Variants in CSNK1G3 observed in about 807,000 individuals in gnomAD.
CSNK1G3 encodes casein kinase I isoform gamma-3.
Under a neutral mutation model 64.3 loss-of-function variants are expected in CSNK1G3, and 23 were observed. The ratio of observed to expected loss-of-function variants is 0.36; its 90% confidence interval spans 0.26 to 0.51. CSNK1G3 has a LOEUF of 0.51. CSNK1G3 is among the 20% of genes least tolerant of loss of function. The pLI, the probability that CSNK1G3 is intolerant of heterozygous loss-of-function variation, is 0.96. For missense variants in CSNK1G3, 357 were observed against 510.5 expected (o/e 0.70, Z 2.90); for synonymous variants, 158 against 162.2 (o/e 0.97, Z 0.20).
At chr5:123,530,894 C>T (rs911238055) in intron 1 of CSNK1G3, among the ~76,000 whole-genome samples, 6 of 152,110 alleles carry the variant, frequency 3.9e-5, no homozygotes, top group Admixed American at 3.9e-4. Flanking sequence ...TCTTAGACAA[C>T]CACAGTTGAG....
intron 12 of CSNK1G3, among the ~76,000 whole-genome samples, chr5:123,608,301 T>G (rs1795719515): frequency 6.6e-6 from 1 of 152,202 alleles, no homozygotes; most frequent in Non-Finnish European, 1.5e-5. Flanking sequence ...GAGAATAGTA[T>G]CTCATTGGGG....
chr5:123,546,584 G>T (rs571343822), intron 2 of CSNK1G3, among the ~76,000 whole-genome samples: 2 of 151,838 alleles, frequency 1.3e-5, no homozygotes, highest in South Asian at 4.2e-4. Context: ...TAAGAAGGAG[G>T]GTGTTATGGT....
At chr5:123,577,530 C>T (rs1434610202) in intron 6 of CSNK1G3, among the ~76,000 whole-genome samples, 1 of 148,256 alleles carries the variant, frequency 6.7e-6, no homozygotes, top group Non-Finnish European at 1.5e-5. Context: ...TTTGTAATTC[C>T]ATCCCTTTTC....
intron 12 of CSNK1G3, among the ~76,000 whole-genome samples, chr5:123,610,518 A>G (rs903779984): frequency 1.3e-5 from 2 of 152,096 alleles, no homozygotes; most frequent in African/African-American, 4.8e-5. Flanking sequence ...AGTATATACA[A>G]ATATATGAAG....
chr5:123,560,189 A>G (rs567226763), intron 4 of CSNK1G3, among the ~76,000 whole-genome samples: 2 of 152,308 alleles, frequency 1.3e-5, no homozygotes, highest in East Asian at 1.9e-4. Flanking sequence ...ATACCCCTCA[A>G]TATGGCTGTA....
chr5:123,594,219 T>G (rs1015813299), intron 10 of CSNK1G3, among the ~76,000 whole-genome samples: 2 of 152,164 alleles, frequency 1.3e-5, no homozygotes, highest in African/African-American at 4.8e-5. Flanking sequence ...TTTATTAGTG[T>G]TGTCCACATT....
At position 123,568,349 on chromosome 5, in the gene CSNK1G3, C is replaced by T. The variant is rs1314818259; in HGVS notation, c.290-5044C>T. 1.1e-4 allele frequency among the ~76,000 whole-genome samples: 16 copies of T among 152,226 alleles called. 1 individual carries two copies. Among genetic ancestry groups the T allele is most frequent in the Admixed American group, 7.8e-4 (12 of 15,300 alleles). ...TGGGAAGTGCTTTGGAGCTTCTTCT[C>T]GGTCCAACCACTGGGCTGGTTGTCA... On this transcript the variant is annotated intron_variant, in intron 4 of 12. Transcript: ENST00000345990.
chr5:123,591,202 G>A (rs1792280896), intron 9 of CSNK1G3, 117 bp from the exon 10 acceptor site: 2 of 522,498 alleles, frequency 3.8e-6, no homozygotes, highest in Non-Finnish European at 3.3e-6. Context: ...TTTACTTAAA[G>A]CCTTAGTTTA....
intron 4 of CSNK1G3, among the ~76,000 whole-genome samples, chr5:123,571,451 C>T (rs1470844586): frequency 6.6e-6 from 1 of 151,982 alleles, no homozygotes; most frequent in Non-Finnish European, 1.5e-5. Flanking sequence ...TACATTCCCA[C>T]CTGCAGATGT....
chr5:123,589,609 C>T (rs993104795), intron 8 of CSNK1G3, among the ~76,000 whole-genome samples: 5 of 152,076 alleles, frequency 3.3e-5, no homozygotes, highest in African/African-American at 1.2e-4. Flanking sequence ...AACTTACCAT[C>T]TCTTACTGTA....
chr5:123,584,938 T>C (rs1791028261), intron 6 of CSNK1G3, among the ~76,000 whole-genome samples: 1 of 152,196 alleles, frequency 6.6e-6, no homozygotes, highest in African/African-American at 2.4e-5. Flanking sequence ...TCTTCTGTTA[T>C]TGGTAATTTG....
chr5:123,548,348 A>T (rs183241598), intron 2 of CSNK1G3, among the ~76,000 whole-genome samples: 1 of 151,184 alleles, frequency 6.6e-6, no homozygotes, highest in East Asian at 2.0e-4. Context: ...AGTCCTAGTT[A>T]TTCAGGAGCC....
chr5:123,585,162 C>T (rs1791076374), intron 6 of CSNK1G3, among the ~76,000 whole-genome samples: 1 of 152,012 alleles, frequency 6.6e-6, no homozygotes, highest in Non-Finnish European at 1.5e-5. Flanking sequence ...TAGACTTATA[C>T]ATAGATGGCC....
chr5:123,549,020 C>T (rs935382378), intron 2 of CSNK1G3, among the ~76,000 whole-genome samples: 2 of 152,258 alleles, frequency 1.3e-5, no homozygotes, highest in African/African-American at 2.4e-5. Context: ...TATCATACTT[C>T]ATATTGCTAG....
At chr5:123,613,026 T>C (rs1463444136) in intron 12 of CSNK1G3, among the ~76,000 whole-genome samples, 2 of 152,168 alleles carry the variant, frequency 1.3e-5, no homozygotes, top group African/African-American at 4.8e-5. Context: ...AGGGGTTGAC[T>C]GTTTAAAGGT....
chr5:123,611,885 T>C (rs1054216271), intron 12 of CSNK1G3, among the ~76,000 whole-genome samples: 2 of 152,236 alleles, frequency 1.3e-5, no homozygotes, highest in African/African-American at 4.8e-5. Context: ...TTTTCTGCTC[T>C]TTTCTAAGTC....
intron 6 of CSNK1G3, among the ~76,000 whole-genome samples, chr5:123,583,391 G>C (rs1165110752): frequency 1.4e-5 from 2 of 140,948 alleles, no homozygotes; most frequent in African/African-American, 5.3e-5. Flanking sequence ...ACTGAGTTTC[G>C]CTCTTGTTGC....
intron 12 of CSNK1G3, among the ~76,000 whole-genome samples, chr5:123,609,369 A>G (rs1290520644): frequency 6.6e-6 from 1 of 152,190 alleles, no homozygotes; most frequent in Admixed American, 6.5e-5. Flanking sequence ...AAGTTTTCCT[A>G]TGAAACTAGA....
chr5:123,530,799 CT>C (rs1779795331), intron 1 of CSNK1G3, among the ~76,000 whole-genome samples: 1 of 152,128 alleles, frequency 6.6e-6, no homozygotes, highest in Non-Finnish European at 1.5e-5. Flanking sequence ...AAAAAAGTTT[CT>C]GTAGTATGTA....
Sources: allele counts gnomAD v4.1 joint callset (sites outside exome capture counted in the v4.1 genomes callset), GRCh38; gene constraint gnomAD v4.1.1; transcripts MANE v1.5; gene names NCBI Gene and HGNC (gene_info 2026-07-23, HGNC 2026-07-21).